TERT: variants seen among roughly 807,000 people sequenced by gnomAD.
The protein encoded by TERT is telomerase catalytic subunit.
In TERT, 42 loss-of-function variants were observed where a neutral mutation model predicts 104.0. That is an observed-to-expected ratio of 0.40 (90% confidence interval 0.32 to 0.52). TERT has a LOEUF of 0.52. TERT is among the 20% of genes least tolerant of loss of function. The probability of loss-of-function intolerance (pLI) is 0.43; values close to 1 mark genes in which losing one functional copy is unlikely to be tolerated. For missense variants in TERT, 1,101 were observed against 1,610.3 expected, an observed-to-expected ratio of 0.68 and a Z score of 5.41; for synonymous variants, 781 against 725.6, an observed-to-expected ratio of 1.08 and a Z score of -1.23.
Position 1,274,552 on chromosome 5 carries a change from T to G in TERT, c.2287-2272A>C, listed in dbSNP as rs936119226. Among the ~76,000 whole-genome samples the G allele has an allele frequency of 6.6e-6, 1 of 152,158 alleles. No individual in the cohort carries two copies. The highest frequency in any genetic ancestry group is 2.4e-5 in the African/African-American group (1 of 41,436). On this transcript the variant is annotated intron_variant, in intron 6 of 15. Transcript: ENST00000310581. The surrounding 1 kb of genome is among the most constrained non-coding windows in gnomAD (Gnocchi z 5.3). ...CCACCTCAGATCATCAGGCATTAGA[T>G]TCCCATAAGGAGCACAGAATCTAGA... is the stretch of plus-strand genomic sequence containing the variant.
intron 12 of TERT, among the ~76,000 whole-genome samples, chr5:1,259,743 CGCGGAT>C (rs1748071777): frequency 1.6e-5 from 2 of 123,954 alleles, no homozygotes; most frequent in Non-Finnish European, 1.6e-5. Context: ...AGGGAGTGGA[CGCGGAT>C]GCCCACAGGA....
chr5:1,282,386 C>G (rs544560957), intron 3 of TERT, 43 bp downstream of exon 3: 8 of 1,604,562 alleles, frequency 5.0e-6, no homozygotes, highest in Non-Finnish European at 6.8e-6. Flanking sequence ...GGCTGGTGTT[C>G]CAGGACTTCG....
intron 13 of TERT, 106 bp downstream of exon 13, chr5:1,258,492 C>A: frequency 9.8e-7 from 1 of 1,018,094 alleles, no homozygotes; most frequent in Non-Finnish European, 1.5e-6. Context: ...TAAGACATTC[C>A]TTGCCCCTAA....
In TERT at chr5:1,293,579, G is replaced by A. The variant is rs986886145; in HGVS notation, c.1307C>T (p.Ala436Val). ...GTCTGTGTCCTCCTCCTCGGGGGCC[G>A]CCACAGAGCCCTGGGGCTTCTCCCG... ...CAREKPQGSV[A>V]APEEEDTDPR... The change falls in exon 2 of 16, where the codon GCG becomes GTG. Residue 436 changes from alanine (A) to valine (V), a missense_variant. Physicochemically the swap from Ala to Val is moderately conservative, Grantham distance 64. Coordinates refer to ENST00000310581, the MANE Select transcript of TERT (RefSeq NM_198253.3). 19 of 1,545,346 alleles carry A rather than the reference G, an allele frequency of 1.2e-5. No individual in the cohort carries two copies. The highest frequency in any genetic ancestry group is 1.6e-5 in the Non-Finnish European group (18 of 1,143,410).
rs1191106139 is a variant in TERT at position 1,254,512 on chromosome 5, G to T, written c.3158-7C>A. ...TTGGCCCCCAGCGACATCCCTGGGG[G>T]AAAACAGAGGCTGAGGAGTCACAGG... On this transcript the variant is annotated splice_polypyrimidine_tract_variant and splice_region_variant and intron_variant, in intron 14 of 15. Transcript: ENST00000310581. 35 of 1,609,520 alleles carry T rather than the reference G, an allele frequency of 2.2e-5. No individual in the cohort carries two copies. Among genetic ancestry groups the T allele is most frequent in the Non-Finnish European group, 3.0e-5 (35 of 1,178,920 alleles).
Position 1,253,717 on chromosome 5 carries a change from G to T in TERT, c.*11C>A, listed in dbSNP as rs1176980331. ...GTGTCTGCTCTCGGCCTGGCTGTGG[G>T]CGGGTGGCCATCAGTCCAGGATGGT... On this transcript the variant is annotated 3_prime_UTR_variant, in exon 16 of 16. Coordinates refer to ENST00000310581, the MANE Select transcript of TERT (RefSeq NM_198253.3). The T allele has an allele frequency of 6.2e-7, 1 of 1,604,928 alleles. No individual in the cohort carries two copies. Among genetic ancestry groups the T allele is most frequent in the South Asian group, 1.1e-5 (1 of 89,446 alleles).
chr5:1,253,900 G>C, intron 15 of TERT, 69 bp from the exon 16 acceptor site: 1 of 1,513,656 alleles, frequency 6.6e-7, no homozygotes, highest in South Asian at 1.2e-5. Context: ...CTCCTAGGAC[G>C]TGTGGGTGGC....
chr5:1,289,662 ACC>A, intron 2 of TERT, among the ~76,000 whole-genome samples: 11 of 99,766 alleles, frequency 1.1e-4, no homozygotes, highest in Admixed American at 2.0e-4. Context: ...TGACAGGGAC[ACC>A]CGGGGGCCTC....
At position 1,256,330 on chromosome 5, in the gene TERT, T is replaced by C. The variant is rs749005165; in HGVS notation, c.3033-919A>G. Among the ~76,000 whole-genome samples, 6 of 152,146 alleles carry C rather than the reference T, an allele frequency of 3.9e-5. No homozygotes were observed. Among genetic ancestry groups the C allele is most frequent in the African/African-American group, 7.2e-5 (3 of 41,428 alleles). On this transcript the variant is annotated intron_variant, in intron 13 of 15. Transcript: ENST00000310581. This position sits in a 1 kb window ranked among gnomAD's most constrained non-coding sequence, Gnocchi z 7.0. Reference sequence around the variant, plus strand: ...CGCCAGCCCTGTCAGCCTCCATCTTTGGCCTCTCAGCTTCCTGGGACTTTG... The same window carrying C: ...CGCCAGCCCTGTCAGCCTCCATCTTCGGCCTCTCAGCTTCCTGGGACTTTG...
At chr5:1,267,184 CT>C (rs1748669424) in intron 9 of TERT, among the ~76,000 whole-genome samples, 1 of 152,264 alleles carries the variant, frequency 6.6e-6, no homozygotes, top group East Asian at 1.9e-4. Context: ...CCTTGATCCA[CT>C]GTACATGCTA....
chr5:1,291,007 C>CCCGGGGACGGCGCCTCACTCACCCTGCA (rs1750885885), intron 2 of TERT, among the ~76,000 whole-genome samples: 1 of 117,634 alleles, frequency 8.5e-6, no homozygotes, highest in African/African-American at 4.0e-5. Context: ...GACAGGGACA[C>CCCGGGGACGGCGCCTCACTCACCCTGCA]CTGGGGACCG....
Position 1,286,183 on chromosome 5 carries a change from T to C in TERT, c.1574-3559A>G, listed in dbSNP as rs1357351912. ...CACTCACGGGCCAAGATGACCGCCC[T>C]CCTCGTGAGTCTCCACATCTTCATC... On this transcript the variant is annotated intron_variant, in intron 2 of 15. Coordinates refer to ENST00000310581, the MANE Select transcript of TERT (RefSeq NM_198253.3). This position sits in a 1 kb window ranked among gnomAD's most constrained non-coding sequence, Gnocchi z 5.3. Among the ~76,000 whole-genome samples the C allele has an allele frequency of 6.6e-6, 1 of 152,084 alleles. No homozygotes were observed. Among genetic ancestry groups the C allele is most frequent in the Non-Finnish European group, 1.5e-5 (1 of 68,032 alleles).
intron 7 of TERT, 88 bp from the exon 8 acceptor site, chr5:1,271,292 T>TG (rs1714793239): frequency 1.1e-6 from 1 of 930,934 alleles, no homozygotes; most frequent in Non-Finnish European, 1.7e-6. Flanking sequence ...CCGTCCCTTT[T>TG]GGGGTCAGTG....
Position 1,253,664 on chromosome 5 carries a change from C to G in TERT, c.*64G>C, listed in dbSNP as rs1327773385. 4 of 1,431,444 alleles carry G rather than the reference C, an allele frequency of 2.8e-6. No individual in the cohort carries two copies. The highest frequency in any genetic ancestry group is 3.9e-6 in the Non-Finnish European group (4 of 1,032,984). 88.7% of individuals were successfully genotyped at this position (1,431,444 alleles called of 1,614,324 possible). On this transcript the variant is annotated 3_prime_UTR_variant, in exon 16 of 16. Coordinates refer to ENST00000310581, the MANE Select transcript of TERT (RefSeq NM_198253.3). Reference sequence around the variant, plus strand: ...GTGGGCCGCCCCTCCCTCCCTGGGACGTAGAGCCCGGCGTGACAGGGCTGC... The same window carrying G: ...GTGGGCCGCCCCTCCCTCCCTGGGAGGTAGAGCCCGGCGTGACAGGGCTGC...
chr5:1,256,805 T>C lies in TERT; in HGVS notation c.3033-1394A>G, dbSNP rs1209794749. Among the ~76,000 whole-genome samples the C allele has an allele frequency of 6.6e-6, 1 of 152,186 alleles. No individual in the cohort carries two copies. The highest frequency in any genetic ancestry group is 1.5e-5 in the Non-Finnish European group (1 of 68,022). ...TGACCCAGGAGGGAAACACCTAGCA[T>C]GGGTGAGGGGCTCTCTTCCAAAGGG... On this transcript the variant is annotated intron_variant, in intron 13 of 15. Coordinates refer to ENST00000310581, the MANE Select transcript of TERT (RefSeq NM_198253.3). The surrounding 1 kb of genome is among the most constrained non-coding windows in gnomAD (Gnocchi z 7.0).
Position 1,293,974 on chromosome 5 carries a change from G to A in TERT, c.912C>T (p.His304=), listed in dbSNP as rs2126686991. ...GCCGCGATGTGGATGGGGGGCCCGC[G>A]TGGTGCTGGCGGCCCACGGATGGGT... ...HSHPSVGRQH[H]AGPPSTSRPP... Residue 304 remains histidine, a synonymous_variant, in exon 2 of 16, where the codon CAC becomes CAT. Coordinates refer to ENST00000310581, the MANE Select transcript of TERT (RefSeq NM_198253.3). The A allele has an allele frequency of 1.9e-6, 3 of 1,563,606 alleles. No homozygotes were observed. Among genetic ancestry groups the A allele is most frequent in the South Asian group, 1.2e-5 (1 of 85,452 alleles).
At position 1,286,703 on chromosome 5, in the gene TERT, G is replaced by C. The variant is rs1430233620; in HGVS notation, c.1574-4079C>G. Among the ~76,000 whole-genome samples the C allele has an allele frequency of 2.6e-5, 4 of 152,080 alleles. No individual in the cohort carries two copies. Among genetic ancestry groups the C allele is most frequent in the South Asian group, 2.1e-4 (1 of 4,812 alleles). On this transcript the variant is annotated intron_variant, in intron 2 of 15. Transcript: ENST00000310581. This position sits in a 1 kb window ranked among gnomAD's most constrained non-coding sequence, Gnocchi z 5.3. ...GACCAGCCTGGCCAACATGGTGAAA[G>C]CCTATCTCTACTAAAAATACAAAAA... is the stretch of plus-strand genomic sequence containing the variant.
rs1751183793 is a variant in TERT, at chr5:1,293,962, T to G, written c.924A>C (p.Pro308=). ...SVGRQHHAGP[P]STSRPPRPWD... ...AGGGACGTGGTGGCCGCGATGTGGA[T>G]GGGGGGCCCGCGTGGTGCTGGCGGC... Residue 308 remains proline (P), a synonymous_variant, in exon 2 of 16, where the codon CCA becomes CCC. Coordinates refer to ENST00000310581, the MANE Select transcript of TERT (RefSeq NM_198253.3). 1 of 1,555,102 alleles carries G rather than the reference T, an allele frequency of 6.4e-7. No homozygotes were observed. Among genetic ancestry groups the G allele is most frequent in the East Asian group, 2.4e-5 (1 of 41,184 alleles).
intron 12 of TERT, among the ~76,000 whole-genome samples, chr5:1,259,867 A>G (rs1399880142): frequency 6.6e-5 from 8 of 121,062 alleles, no homozygotes; most frequent in Admixed American, 1.7e-4. Context: ...GGACACGGAC[A>G]ACCACAGGAG....
Sources: allele counts gnomAD v4.1 joint callset (sites outside exome capture counted in the v4.1 genomes callset), GRCh38; gene constraint gnomAD v4.1.1; non-coding constraint Gnocchi (gnomAD v3.1); transcripts MANE v1.5; gene names NCBI Gene and HGNC (gene_info 2026-07-23, HGNC 2026-07-21).